The following ZNF358 variants were observed in gnomAD, a reference collection of about 807,000 sequenced individuals.
ZNF358 encodes the protein zinc finger protein 358.
Under a neutral mutation model 2.1 loss-of-function variants are expected in ZNF358, and 1 was observed. The observed-to-expected ratio is 0.49, with a 90% CI of 0.17 to 2.30. ZNF358 has a LOEUF of 2.30. ZNF358 is among the 30% of genes most tolerant of loss of function. The probability of loss-of-function intolerance (pLI) is 0.26; values close to 1 mark genes in which losing one functional copy is unlikely to be tolerated. For missense variants in ZNF358, 665 were observed against 806.8 expected, an observed-to-expected ratio of 0.82 and a Z score of 2.13; for synonymous variants, 381 against 359.7, an observed-to-expected ratio of 1.06 and a Z score of -0.67.
At chr19:7,517,619 G>A (rs897066190) in intron 1 of ZNF358, among the ~76,000 whole-genome samples, 1 of 151,930 alleles carries the variant, frequency 6.6e-6, no homozygotes, top group African/African-American at 2.4e-5. Context: ...CCTGCCTATG[G>A]GGTTCATGAG....
At position 7,520,836 on chromosome 19, in the gene ZNF358, T is replaced by A; in HGVS notation, c.1594T>A (p.Ser532Thr). ...GCCCAGCCCTGATCCCAACCCTGTG[T>A]CCTGCCCTGACCCCTGTTCTCCCAC... ...PVPSPDPNPVSCPDPCSPTRG... is the reference protein window; with the variant it reads ...PVPSPDPNPVTCPDPCSPTRG... The change falls in exon 2 of 2, where the codon TCC becomes ACC. Residue 532 changes from serine to threonine, a missense_variant. Around this residue, in one of 3 missense-constraint regions of ZNF358, gnomAD observed 249 missense variants for 227.6 expected, o/e 1.09. Transcript: ENST00000597229. The surrounding 1 kb of genome is among the most constrained non-coding windows in gnomAD (Gnocchi z 6.0). The A allele has an allele frequency of 6.2e-7, 1 of 1,613,882 alleles. No individual in the cohort carries two copies. The highest frequency in any genetic ancestry group is 8.5e-7 in the Non-Finnish European group (1 of 1,179,932).
chr19:7,519,182 A>G, intron 1 of ZNF358, 23 bp from the exon 2 acceptor site: 1 of 1,563,390 alleles, frequency 6.4e-7, no homozygotes, highest in South Asian at 1.2e-5. Context: ...CCTACCCTCT[A>G]CCCTCTATCC....
At position 7,519,857 on chromosome 19, in the gene ZNF358, G is replaced by A. The variant is rs76087425; in HGVS notation, c.615G>A (p.Arg205=). The A allele has an allele frequency of 1.0e-3, 1,565 of 1,531,750 alleles. 11 individuals are homozygous for A. The African/African-American group carries it at 0.017, about 17-fold the overall frequency. The allele number at this position is 1,531,750 out of a possible 1,614,324, so 94.9% of individuals were successfully genotyped here. ...ACCGTGGCATCCACACTGGGGCGCG[G>A]CCGTACCAGTGCGCGGCCTGCGGCA... is the stretch of plus-strand genomic sequence containing the variant. ...AQHRGIHTGA[R]PYQCAACGKA... is the part of the protein sequence containing the mutation. Residue 205 remains arginine, a synonymous_variant, in exon 2 of 2, where the codon CGG becomes CGA. Coordinates refer to ENST00000597229, the MANE Select transcript of ZNF358 (RefSeq NM_018083.5).
chr19:7,520,504 G>C lies in ZNF358; in HGVS notation c.1262G>C (p.Gly421Ala). ...AAAAAAGLGL[G>A]PGLSPASMMR... is the part of the protein sequence containing the mutation. Reference sequence around the variant, plus strand: ...GCAGCGGCCGCCGGCCTGGGCCTCGGGCCTGGCCTAAGCCCTGCATCCATG... The same window carrying C: ...GCAGCGGCCGCCGGCCTGGGCCTCGCGCCTGGCCTAAGCCCTGCATCCATG... The change falls in exon 2 of 2, where the codon GGG (glycine) becomes GCG (alanine). Residue 421 changes from glycine to alanine, a missense_variant. Physicochemically the swap from Gly to Ala is moderately conservative, Grantham distance 60. Transcript: ENST00000597229. This position sits in a 1 kb window ranked among gnomAD's most constrained non-coding sequence, Gnocchi z 6.0. 3 of 1,300,674 alleles carry C rather than the reference G, an allele frequency of 2.3e-6. No homozygotes were observed. Among genetic ancestry groups the C allele is most frequent in the Non-Finnish European group, 3.2e-6 (3 of 924,138 alleles). The allele number at this position is 1,300,674 out of a possible 1,614,324, so 80.6% of individuals were successfully genotyped here. A position where few individuals can be genotyped will look rare whatever the true frequency, so the allele number is the denominator to read the frequency against.
In ZNF358 at chr19:7,519,565, C is replaced by T; in HGVS notation, c.323C>T (p.Pro108Leu). The stretch of plus-strand genomic sequence containing the variant: ...GGCCCCGTACCCCTGATTCTCGATC[C>T]TAACAGCGACACCCTCAGCCCCGGC... Reference protein sequence around the residue: ...VIGPVPLILDPNSDTLSPGDP... With the variant: ...VIGPVPLILDLNSDTLSPGDP... Residue 108 changes from proline to leucine, a missense_variant, in exon 2 of 2, where the codon CCT becomes CTT. Physicochemically the swap from Pro to Leu is moderately conservative, Grantham distance 98. Transcript: ENST00000597229. The T allele has an allele frequency of 6.2e-7, 1 of 1,602,154 alleles. No homozygotes were observed. Among genetic ancestry groups the T allele is most frequent in the Non-Finnish European group, 8.5e-7 (1 of 1,179,936 alleles).
chr19:7,520,476 G>A lies in ZNF358; in HGVS notation c.1234G>A (p.Ala412Thr). 3.9e-6 allele frequency: 3 copies of A among 777,818 alleles called. No homozygotes were observed. The highest frequency in any genetic ancestry group is 5.6e-6 in the Non-Finnish European group (3 of 532,788). The allele number at this position is 777,818 out of a possible 1,614,324, so 48.2% of individuals were successfully genotyped here. ...AAAAAAAAAA[A>T]AAAAGLGLGP... is the part of the protein sequence containing the mutation. ...TGCAGCTGCCGCGGCCGCTGCAGCT[G>A]CAGCAGCGGCCGCCGGCCTGGGCCT... is the stretch of plus-strand genomic sequence containing the variant. The change falls in exon 2 of 2, where the codon GCA becomes ACA. Residue 412 changes from alanine to threonine, a missense_variant. Around this residue, in one of 3 missense-constraint regions of ZNF358, gnomAD observed 249 missense variants for 227.6 expected, o/e 1.09. Coordinates refer to ENST00000597229, the MANE Select transcript of ZNF358 (RefSeq NM_018083.5). The surrounding 1 kb of genome is among the most constrained non-coding windows in gnomAD (Gnocchi z 6.0).
Position 7,519,656 on chromosome 19 carries a change from C to A in ZNF358, c.414C>A (p.Pro138=), listed in dbSNP as rs372659910. 1 of 1,581,750 alleles carries A rather than the reference C, an allele frequency of 6.3e-7. No homozygotes were observed. The highest frequency in any genetic ancestry group is 8.5e-7 in the Non-Finnish European group (1 of 1,170,876). Reference sequence around the variant, plus strand: ...CCCCCCAGGTCTTGGCCACCAGCCCCGCGGTGCTCCCCGCCCCCGCCAGCC... The same window carrying A: ...CCCCCCAGGTCTTGGCCACCAGCCCAGCGGTGCTCCCCGCCCCCGCCAGCC... ...TATPQVLATS[P]AVLPAPASPP... The change falls in exon 2 of 2, where the codon CCC becomes CCA. Residue 138 remains proline (P), a synonymous_variant. Transcript: ENST00000597229.
Position 7,520,123 on chromosome 19 carries a change from C to T in ZNF358, c.881C>T (p.Pro294Leu), listed in dbSNP as rs757547243. Residue 294 changes from proline (P) to leucine (L), a missense_variant, in exon 2 of 2, where the codon CCG becomes CTG. By Grantham distance (98) the Pro-to-Leu change is moderately conservative (BLOSUM62 -3). This residue lies in a region of ZNF358 where 210 missense variants were observed against 350.8 expected (regional missense o/e 0.60). Coordinates refer to ENST00000597229, the MANE Select transcript of ZNF358 (RefSeq NM_018083.5). The surrounding 1 kb of genome is among the most constrained non-coding windows in gnomAD (Gnocchi z 6.0). ...ACGGGCGAGCGGCCCTACCCGTGTC[C>T]GCAGTGCGGCAAGGCCTTCGGGCAG... ...THTGERPYPC[P>L]QCGKAFGQSS... 1.4e-5 allele frequency: 23 copies of T among 1,596,996 alleles called. No homozygotes were observed. The Admixed American group carries it at 3.5e-4, about 24-fold the overall frequency.
rs893876881 is a variant in ZNF358, at chr19:7,516,525, G to A, written c.-39+276G>A. 6.6e-6 allele frequency among the ~76,000 whole-genome samples: 1 copy of A among 151,894 alleles called. No individual in the cohort carries two copies. Among genetic ancestry groups the A allele is most frequent in the Non-Finnish European group, 1.5e-5 (1 of 67,884 alleles). On this transcript the variant is annotated intron_variant, in intron 1 of 1. Transcript: ENST00000597229. The surrounding 1 kb of genome is among the most constrained non-coding windows in gnomAD (Gnocchi z 5.9). ...CCTTCAATCGGGCGGGGTGGGGGGC[G>A]CCCGCCAGCTCTGGGGTCTGGAGCT...
chr19:7,513,973 T>C (rs2022304485), upstream of ZNF358: 1 of 152,190 alleles, frequency 6.6e-6, no homozygotes, highest in African/African-American at 2.4e-5. Flanking sequence ...TGTTGGTTTG[T>C]GGTACAGGAA....
rs1282026411 is a variant in ZNF358, at chr19:7,519,390, C to A, written c.148C>A (p.Leu50Ile). The A allele has an allele frequency of 1.9e-6, 3 of 1,614,020 alleles. No homozygotes were observed. The highest frequency in any genetic ancestry group is 2.5e-6 in the Non-Finnish European group (3 of 1,180,030). The change falls in exon 2 of 2, where the codon CTC (leucine) becomes ATC (isoleucine). Residue 50 changes from leucine to isoleucine, a missense_variant. Leu to Ile is a conservative substitution (Grantham distance 5, BLOSUM62 2). This residue lies in a region of ZNF358 where 206 missense variants were observed against 228.4 expected (regional missense o/e 0.90). Coordinates refer to ENST00000597229, the MANE Select transcript of ZNF358 (RefSeq NM_018083.5). ...AGACCCAGAGCCTGATCCTGAAGAC[C>A]TCAACACTGTCCCGGAAGACGTGGA... ...SEDPEPDPED[L>I]NTVPEDVDPS...
In ZNF358 at chr19:7,516,354, T is replaced by C; in HGVS notation, c.-39+105T>C. 1 of 147,860 alleles carries C rather than the reference T, an allele frequency of 6.8e-6. No homozygotes were observed. The highest frequency in any genetic ancestry group is 2.5e-5 in the African/African-American group (1 of 40,390). The allele number at this position is 147,860 out of a possible 1,614,324, so 9.2% of individuals were successfully genotyped here. A position where few individuals can be genotyped will look rare whatever the true frequency, so the allele number is the denominator to read the frequency against. On this transcript the variant is annotated intron_variant, in intron 1 of 1. Coordinates refer to ENST00000597229, the MANE Select transcript of ZNF358 (RefSeq NM_018083.5). This position sits in a 1 kb window ranked among gnomAD's most constrained non-coding sequence, Gnocchi z 5.9. The stretch of plus-strand genomic sequence containing the variant: ...GGGCGCAGCCCGGGGCGACCTCTAA[T>C]CGTCCCCCGCCCTGCGCGCCGCCGG...
In ZNF358 at chr19:7,520,494, C is replaced by A; in HGVS notation, c.1252C>A (p.Leu418Met). 8.0e-7 allele frequency: 1 copy of A among 1,252,568 alleles called. No individual in the cohort carries two copies. Among genetic ancestry groups the A allele is most frequent in the African/African-American group, 1.6e-5 (1 of 63,084 alleles). The allele number at this position is 1,252,568 out of a possible 1,614,324, so 77.6% of individuals were successfully genotyped here. A position where few individuals can be genotyped will look rare whatever the true frequency, so the allele number is the denominator to read the frequency against. ...AAAAAAAAAG[L>M]GLGPGLSPAS... ...TGCAGCTGCAGCAGCGGCCGCCGGC[C>A]TGGGCCTCGGGCCTGGCCTAAGCCC... Residue 418 changes from leucine to methionine, a missense_variant, in exon 2 of 2, where the codon CTG becomes ATG. This residue lies in a region of ZNF358 where 249 missense variants were observed against 227.6 expected (regional missense o/e 1.09). Transcript: ENST00000597229. This position sits in a 1 kb window ranked among gnomAD's most constrained non-coding sequence, Gnocchi z 6.0.
upstream of ZNF358, among the ~76,000 whole-genome samples, chr19:7,514,558 G>C (rs1056850503): frequency 1.4e-4 from 22 of 152,368 alleles, no homozygotes; most frequent in African/African-American, 5.0e-4. Flanking sequence ...ACCATAGGGT[G>C]TCTCTATAAG....
chr19:7,515,476 G>T (rs904151339), upstream of ZNF358: 13 of 152,398 alleles, frequency 8.5e-5, no homozygotes, highest in African/African-American at 3.1e-4. Flanking sequence ...CCCAGAAAGG[G>T]TGACGGGTTT....
chr19:7,515,605 A>G (rs2022325303), upstream of ZNF358, among the ~76,000 whole-genome samples: 1 of 152,260 alleles, frequency 6.6e-6, no homozygotes, highest in South Asian at 2.1e-4. Flanking sequence ...TCCAAGAACA[A>G]CATGTGTAGA....
In ZNF358 at chr19:7,519,854, G is replaced by T; in HGVS notation, c.612G>T (p.Ala204=). 1 of 1,531,760 alleles carries T rather than the reference G, an allele frequency of 6.5e-7. No homozygotes were observed. Among genetic ancestry groups the T allele is most frequent in the Non-Finnish European group, 8.7e-7 (1 of 1,145,452 alleles). 94.9% of individuals were successfully genotyped at this position (1,531,760 alleles called of 1,614,324 possible). ...LAQHRGIHTG[A]RPYQCAACGK... is the part of the protein sequence containing the mutation. ...AGCACCGTGGCATCCACACTGGGGC[G>T]CGGCCGTACCAGTGCGCGGCCTGCG... The change falls in exon 2 of 2, where the codon GCG becomes GCT. Residue 204 remains alanine (A), a synonymous_variant. Coordinates refer to ENST00000597229, the MANE Select transcript of ZNF358 (RefSeq NM_018083.5).
At chr19:7,518,928 G>A (rs2022401173) in intron 1 of ZNF358, among the ~76,000 whole-genome samples, 2 of 152,004 alleles carry the variant, frequency 1.3e-5, no homozygotes, top group South Asian at 4.2e-4. Flanking sequence ...AGCCAGGCAT[G>A]GTGGTGGACA....
At chr19:7,517,794 A>T (rs953631868) in intron 1 of ZNF358, among the ~76,000 whole-genome samples, 10 of 152,180 alleles carry the variant, frequency 6.6e-5, no homozygotes, top group Non-Finnish European at 1.2e-4. Flanking sequence ...TCTTTTCCCC[A>T]GAGGGCAAGC....
Sources: allele counts gnomAD v4.1 joint callset (sites outside exome capture counted in the v4.1 genomes callset), GRCh38; gene constraint gnomAD v4.1.1; regional missense constraint gnomAD v4.1.1; non-coding constraint Gnocchi (gnomAD v3.1); transcripts MANE v1.5; gene names NCBI Gene and HGNC (gene_info 2026-07-23, HGNC 2026-07-21).